SP100: variants seen among roughly 807,000 people sequenced by gnomAD.
The protein encoded by SP100 is SP100 nuclear body protein, also known as nuclear autoantigen Sp-100.
Under a neutral mutation model 130.0 loss-of-function variants are expected in SP100, and 84 were observed. The ratio of observed to expected loss-of-function variants is 0.65; its 90% CI spans 0.54 to 0.77. SP100 has a LOEUF of 0.77. SP100 is among the 30% of genes least tolerant of loss of function. SP100 has a pLI of 0.00. For missense variants in SP100, 978 were observed against 1,052.2 expected (o/e 0.93, Z 0.97); for synonymous variants, 331 against 351.7 (o/e 0.94, Z 0.66).
chr2:230,470,974 G>A (rs2065238026), intron 15 of SP100, among the ~76,000 whole-genome samples: 1 of 152,140 alleles, frequency 6.6e-6, no homozygotes, highest in South Asian at 2.1e-4. Flanking sequence ...ACATATGTGT[G>A]TGTATATATG....
At chr2:230,477,939 C>CTAAAAAAA (rs2065645741) in intron 17 of SP100, among the ~76,000 whole-genome samples, 1 of 125,126 alleles carries the variant, frequency 8.0e-6, no homozygotes, top group Non-Finnish European at 1.6e-5. Flanking sequence ...TGTCTCAAAA[C>CTAAAAAAA]AAAACAAACA....
intron 24 of SP100, among the ~76,000 whole-genome samples, chr2:230,537,098 A>G (rs1262973642): frequency 6.6e-6 from 1 of 152,134 alleles, no homozygotes; most frequent in Non-Finnish European, 1.5e-5. Flanking sequence ...CCTCCACAAA[A>G]AATACCAAAA....
At chr2:230,458,036 GA>G (rs1395482016) in intron 8 of SP100, among the ~76,000 whole-genome samples, 1 of 152,128 alleles carries the variant, frequency 6.6e-6, no homozygotes, top group Non-Finnish European at 1.5e-5. Context: ...AATGCAAGAA[GA>G]AAGAATACAA....
In SP100 at chr2:230,474,430, AAC is replaced by A. The variant is rs757753576; in HGVS notation, c.1587_1588del (p.His529GlnfsTer11). The A allele has an allele frequency of 1.3e-6, 2 of 1,516,620 alleles. No individual in the cohort carries two copies. The highest frequency in any genetic ancestry group is 2.8e-5 in the African/African-American group (2 of 72,414). The allele number at this position is 1,516,620 out of a possible 1,614,324, so 93.9% of individuals were successfully genotyped here. On this transcript the variant is annotated frameshift_variant, in exon 17 of 29. Coordinates refer to ENST00000340126, the MANE Select transcript of SP100 (RefSeq NM_001080391.2). LOFTEE classifies it high-confidence loss of function. ...GTTGAAAACAATTCTACTTTGGAAA[AAC>A]ACAGTGGGAAAAGAAGTAAGAACAA...
Position 230,542,772 on chromosome 2 carries a change from T to A in SP100, c.2548-64T>A, listed in dbSNP as rs1692228748. On this transcript the variant is annotated intron_variant, in intron 28 of 28. Coordinates refer to ENST00000340126, the MANE Select transcript of SP100 (RefSeq NM_001080391.2). ...ACCTAAAATGAGGCCCCAGATTATC[T>A]GCAACACTGGGTGTCTCAGCTCATT... 1.5e-5 allele frequency: 14 copies of A among 925,168 alleles called. No homozygotes were observed. In the South Asian group the frequency reaches 1.9e-4, roughly 12 times the overall value. The allele number at this position is 925,168 out of a possible 1,614,324, so 57.3% of individuals were successfully genotyped here.
intron 2 of SP100, among the ~76,000 whole-genome samples, chr2:230,426,002 A>G (rs1034713107): frequency 1.3e-5 from 2 of 152,076 alleles, no homozygotes; most frequent in African/African-American, 2.4e-5. Context: ...CTAGGACTTT[A>G]TCTATTTTTT....
rs1251209232 is a variant in SP100, at chr2:230,456,979, T to TA, written c.821-4282dup. ...GGTCATGTTGTGTCTCTTTGGTTTT[T>TA]ATGTTTCTTGTTGCCTTACATTTAT... On this transcript the variant is annotated intron_variant, in intron 8 of 28. Transcript: ENST00000340126. 1.3e-5 allele frequency among the ~76,000 whole-genome samples: 2 copies of TA among 152,268 alleles called. 1 individual carries two copies. The highest frequency in any genetic ancestry group is 3.8e-4 in the East Asian group (2 of 5,204).
chr2:230,523,372 T>G (rs1283055885), intron 24 of SP100, among the ~76,000 whole-genome samples: 2 of 152,206 alleles, frequency 1.3e-5, no homozygotes, highest in East Asian at 3.8e-4. Flanking sequence ...TTGGCTTATT[T>G]TAAAAAAGTG....
intron 17 of SP100, among the ~76,000 whole-genome samples, chr2:230,482,535 A>C (rs2065881762): frequency 6.7e-6 from 1 of 150,066 alleles, no homozygotes; most frequent in Admixed American, 6.6e-5. Context: ...AGACATTCTT[A>C]TTTTTTTTCT....
At chr2:230,452,157 T>C (rs921295310) in intron 8 of SP100, among the ~76,000 whole-genome samples, 2 of 152,222 alleles carry the variant, frequency 1.3e-5, no homozygotes, top group Non-Finnish European at 1.5e-5. Flanking sequence ...ATTGTTTTTC[T>C]ATTTCTCAAA....
chr2:230,537,258 C>T (rs747623185), intron 24 of SP100, among the ~76,000 whole-genome samples: 3 of 152,054 alleles, frequency 2.0e-5, no homozygotes, highest in Non-Finnish European at 4.4e-5. Context: ...GACCCTGTCT[C>T]AAAACAAAAA....
intron 25 of SP100, among the ~76,000 whole-genome samples, chr2:230,540,119 A>C (rs1559540736): frequency 6.6e-6 from 1 of 152,094 alleles, no homozygotes; most frequent in Non-Finnish European, 1.5e-5. Flanking sequence ...CAGAAGAAAA[A>C]CCAGCTTTTT....
At chr2:230,504,128 A>G in intron 20 of SP100, 58 bp from the exon 21 acceptor site, 1 of 865,766 alleles carries the variant, frequency 1.2e-6, no homozygotes, top group Non-Finnish European at 1.9e-6. Context: ...ACAGGTGGGG[A>G]GGGACAATGC....
intron 2 of SP100, among the ~76,000 whole-genome samples, chr2:230,419,055 C>G (rs2062697279): frequency 6.6e-6 from 1 of 152,172 alleles, no homozygotes; most frequent in Non-Finnish European, 1.5e-5. Context: ...TATATTATTA[C>G]TTTAAAAATG....
intron 2 of SP100, among the ~76,000 whole-genome samples, chr2:230,427,947 G>C (rs1460479334): frequency 6.6e-6 from 1 of 152,020 alleles, no homozygotes; most frequent in African/African-American, 2.4e-5. Flanking sequence ...AGAACTACCT[G>C]AGGCCAGCTG....
At chr2:230,517,736 G>T (rs767718982) in intron 24 of SP100, among the ~76,000 whole-genome samples, 6 of 149,396 alleles carry the variant, frequency 4.0e-5, no homozygotes, top group Non-Finnish European at 8.9e-5. Context: ...CTGTACTCTA[G>T]CCTGGGCAAC....
intron 22 of SP100, 79 bp from the exon 23 acceptor site, chr2:230,507,914 T>G: frequency 2.3e-6 from 3 of 1,281,642 alleles, no homozygotes; most frequent in Non-Finnish European, 3.3e-6. Context: ...GTAGGAATAT[T>G]TGGAAGGCAG....
intron 2 of SP100, among the ~76,000 whole-genome samples, chr2:230,435,801 G>A (rs1046194596): frequency 3.3e-5 from 5 of 151,842 alleles, no homozygotes; most frequent in Non-Finnish European, 7.4e-5. Flanking sequence ...CCACTTATAA[G>A]TGAGAACATG....
At chr2:230,486,766 A>G (rs1575720027) in intron 17 of SP100, among the ~76,000 whole-genome samples, 2 of 152,236 alleles carry the variant, frequency 1.3e-5, no homozygotes, top group African/African-American at 4.8e-5. Flanking sequence ...GTCTTCCACA[A>G]TGGTTGAACT....
Sources: allele counts gnomAD v4.1 joint callset (sites outside exome capture counted in the v4.1 genomes callset), GRCh38; gene constraint gnomAD v4.1.1; transcripts MANE v1.5; gene names NCBI Gene and HGNC (gene_info 2026-07-23, HGNC 2026-07-21).